RARS2: variants seen among roughly 807,000 people sequenced by gnomAD.
RARS2 encodes the protein arginyl-tRNA synthetase 2, mitochondrial.
In RARS2, 67 loss-of-function variants were observed where a neutral mutation model predicts 88.5. The ratio of observed to expected loss-of-function variants is 0.76; its 90% confidence interval spans 0.62 to 0.93. The LOEUF is 0.93. Among genes scored for constraint, RARS2 ranks in the 40% least tolerant of loss-of-function variants. RARS2 has a pLI of 0.00. For synonymous variants in RARS2, 239 were observed against 230.3 expected, an observed-to-expected ratio of 1.04 and a Z score of -0.34; for missense variants, 664 against 684.2, an observed-to-expected ratio of 0.97 and a Z score of 0.33.
At chr6:87,569,468 A>G (rs1472059648) in intron 2 of RARS2, 49 bp downstream of exon 2, 1 of 1,463,858 alleles carries the variant, frequency 6.8e-7, no homozygotes, top group Admixed American at 1.7e-5. Context: ...TGGTGTATCA[A>G]CAAAGTCAGC....
intron 10 of RARS2, among the ~76,000 whole-genome samples, chr6:87,527,479 C>T (rs1051683087): frequency 6.6e-6 from 1 of 152,040 alleles, no homozygotes; most frequent in Admixed American, 6.6e-5. Flanking sequence ...TAGAGGAAAA[C>T]ACTGAAGCCT....
At chr6:87,569,892 T>C (rs1181556390) in intron 1 of RARS2, among the ~76,000 whole-genome samples, 1 of 143,392 alleles carries the variant, frequency 7.0e-6, no homozygotes, top group Non-Finnish European at 1.5e-5. Flanking sequence ...CCTTCGTAAA[T>C]TAAAAAAAAA....
intron 1 of RARS2, among the ~76,000 whole-genome samples, chr6:87,582,419 T>C (rs1773891978): frequency 6.6e-6 from 1 of 152,242 alleles, no homozygotes; most frequent in Non-Finnish European, 1.5e-5. Context: ...GAGAAGTGTC[T>C]GTTCATGTCC....
In RARS2 at chr6:87,530,916, T is replaced by C; in HGVS notation, c.639A>G (p.Ala213=). 6.2e-7 allele frequency: 1 copy of C among 1,614,226 alleles called. No individual in the cohort carries two copies. The highest frequency in any genetic ancestry group is 1.1e-5 in the South Asian group (1 of 91,090). The part of the protein sequence containing the change: ...FEVYVQVNKE[A]ADDKSVAKAA... The stretch of plus-strand genomic sequence containing the variant: ...CTTTTGCTACACTTTTATCATCTGC[T>C]GCTTCTTTATTAACTTGTACATAAA... The change falls in exon 9 of 20, where the codon GCA becomes GCG. Residue 213 remains alanine (A), a synonymous_variant. Transcript: ENST00000369536.
chr6:87,585,609 G>A (rs1050990158), intron 1 of RARS2, among the ~76,000 whole-genome samples: 1 of 152,124 alleles, frequency 6.6e-6, no homozygotes, highest in Non-Finnish European at 1.5e-5. Context: ...GCGGGCACCT[G>A]TAGTCCCAGC....
intron 8 of RARS2, among the ~76,000 whole-genome samples, chr6:87,539,884 TG>T (rs1487806677): frequency 2.0e-5 from 3 of 152,204 alleles, no homozygotes; most frequent in African/African-American, 7.2e-5. Context: ...TCTGTGGGCC[TG>T]GATCTCATGA....
At chr6:87,521,391 A>G in intron 12 of RARS2, 73 bp downstream of exon 12, 4 of 1,181,340 alleles carry the variant, frequency 3.4e-6, no homozygotes, top group Non-Finnish European at 5.0e-6. Flanking sequence ...TAGTTTTTCA[A>G]CATGGCATCC....
intron 4 of RARS2, among the ~76,000 whole-genome samples, chr6:87,561,294 C>T (rs1282686340): frequency 6.6e-6 from 1 of 152,104 alleles, no homozygotes; most frequent in East Asian, 1.9e-4. Flanking sequence ...GATTTTGTTC[C>T]CAACTAGCTG....
chr6:87,550,126 AATC>A (rs1783882260), intron 5 of RARS2, among the ~76,000 whole-genome samples: 1 of 152,218 alleles, frequency 6.6e-6, no homozygotes, highest in African/African-American at 2.4e-5. Flanking sequence ...GTATTTATTT[AATC>A]ATTGTTTAGA....
At chr6:87,555,996 A>C (rs1785751840) in intron 4 of RARS2, among the ~76,000 whole-genome samples, 1 of 152,254 alleles carries the variant, frequency 6.6e-6, no homozygotes, top group Admixed American at 6.5e-5. Context: ...GAGGGATTAA[A>C]TAGTGCAGAA....
intron 8 of RARS2, among the ~76,000 whole-genome samples, chr6:87,532,014 C>T (rs953975528): frequency 6.6e-6 from 1 of 152,076 alleles, no homozygotes; most frequent in Non-Finnish European, 1.5e-5. Flanking sequence ...AACATCCGGA[C>T]AGCAGTATTT....
chr6:87,575,597 T>C (rs1033615978), intron 1 of RARS2, among the ~76,000 whole-genome samples: 2 of 152,092 alleles, frequency 1.3e-5, no homozygotes, highest in Non-Finnish European at 2.9e-5. Flanking sequence ...CACACAAAAC[T>C]GTTTACACCT....
intron 2 of RARS2, among the ~76,000 whole-genome samples, chr6:87,568,153 T>C (rs1271394801): frequency 6.6e-6 from 1 of 152,174 alleles, no homozygotes; most frequent in Non-Finnish European, 1.5e-5. Flanking sequence ...ATTCAAAAGA[T>C]GGGCCAAGAT....
intron 8 of RARS2, among the ~76,000 whole-genome samples, chr6:87,535,521 C>T (rs892999472): frequency 2.6e-5 from 4 of 151,878 alleles, no homozygotes; most frequent in African/African-American, 7.3e-5. Flanking sequence ...ATACACTAAC[C>T]CCTCACTATT....
chr6:87,525,649 A>G (rs1775421209), intron 10 of RARS2, among the ~76,000 whole-genome samples: 1 of 151,972 alleles, frequency 6.6e-6, no homozygotes, highest in Non-Finnish European at 1.5e-5. Context: ...CCTGGGTTCA[A>G]GCAATTCTCC....
intron 18 of RARS2, among the ~76,000 whole-genome samples, chr6:87,516,443 T>G (rs1188817702): frequency 6.6e-6 from 1 of 152,218 alleles, no homozygotes; most frequent in Admixed American, 6.5e-5. Flanking sequence ...CTCTGGGCTT[T>G]CTTCTTCTTC....
At chr6:87,522,333 T>TAAAAAAAAAA (rs34710568) in intron 11 of RARS2, among the ~76,000 whole-genome samples, 2 of 88,738 alleles carry the variant, frequency 2.3e-5, no homozygotes, top group East Asian at 3.5e-4. Context: ...CCGTCTCAAT[T>TAAAAAAAAAA]AAAAAAAAAA....
intron 8 of RARS2, among the ~76,000 whole-genome samples, chr6:87,538,340 G>A (rs1356567847): frequency 6.6e-6 from 1 of 152,072 alleles, no homozygotes; most frequent in Non-Finnish European, 1.5e-5. Flanking sequence ...ATTATTATTC[G>A]ACTTTTTAGT....
At chr6:87,565,646 A>T (rs1279765189) in intron 2 of RARS2, among the ~76,000 whole-genome samples, 1 of 152,208 alleles carries the variant, frequency 6.6e-6, no homozygotes, top group Non-Finnish European at 1.5e-5. Flanking sequence ...TCATTACATC[A>T]TTCTCTATGA....
Sources: gnomAD v4.1 joint callset for allele counts (sites outside exome capture counted in the v4.1 genomes callset) on GRCh38, gnomAD v4.1.1 for gene constraint, MANE v1.5 for transcripts, NCBI Gene and HGNC (gene_info 2026-07-23, HGNC 2026-07-21) for gene names.